Variants in MZT2B observed in about 807,000 individuals in gnomAD.
MZT2B encodes mitotic spindle organizing protein 2B.
A neutral mutation model predicts 12.1 loss-of-function variants in MZT2B; 11 were observed. That is an observed-to-expected ratio of 0.91 (90% CI 0.57 to 1.50). MZT2B has a LOEUF of 1.50. MZT2B is among the 40% of genes most tolerant of loss of function. The pLI is 0.00. For missense variants in MZT2B, 209 were observed against 227.7 expected (o/e 0.92, Z 0.53); for synonymous variants, 85 against 109.5 (o/e 0.78, Z 1.40).
downstream of MZT2B, chr2:130,190,867 T>A: frequency 1.1e-6 from 1 of 928,536 alleles, no homozygotes; most frequent in Non-Finnish European, 1.4e-6. Context: ...TGAACCTGAT[T>A]TGGGTTCTGA....
chr2:130,194,592 T>A (rs2104751681), downstream of MZT2B: 1 of 1,223,650 alleles, frequency 8.2e-7, no homozygotes, highest in African/African-American at 1.5e-5. Context: ...ATAATAAACA[T>A]GCAATACACT....
downstream of MZT2B, among the ~76,000 whole-genome samples, chr2:130,192,618 C>T (rs1056082160): frequency 8.5e-5 from 13 of 152,198 alleles, no homozygotes; most frequent in African/African-American, 3.1e-4. Flanking sequence ...ATGAATGCTG[C>T]TACCACAGCA....
At chr2:130,203,230 T>C in the MZT2B span, among the ~76,000 whole-genome samples, 2 of 152,226 alleles carry the variant, frequency 1.3e-5, no homozygotes, top group Non-Finnish European at 2.9e-5. Flanking sequence ...AAATTGCTTC[T>C]TAAGATCATC....
At chr2:130,182,186 C>T (rs1361521680), upstream of MZT2B, 21 of 1,257,870 alleles carry the variant, frequency 1.7e-5, no homozygotes, top group Non-Finnish European at 2.0e-5. Context: ...CCAGGGCAGC[C>T]CGGGAGGCCA....
chr2:130,185,784 A>G (rs1326995142), intron 2 of MZT2B, among the ~76,000 whole-genome samples: 2 of 148,084 alleles, frequency 1.4e-5, no homozygotes, highest in Non-Finnish European at 3.0e-5. Context: ...TGTGTGAGCG[A>G]ATGGGGGCTC....
At chr2:130,202,671 G>A in the MZT2B span, among the ~76,000 whole-genome samples, 3,878 of 148,564 alleles carry the variant, frequency 0.026, 109 homozygotes, top group African/African-American at 0.058. Flanking sequence ...GCCTTTCAGC[G>A]TGCTGCCTGC....
chr2:130,182,634 G>C lies in MZT2B; in HGVS notation c.178G>C (p.Val60Leu). ...AIDPDVFKIL[V>L]DLLKLNVAPL... is the part of the protein sequence containing the mutation. ...CGCGTCTGTCCCCGCCAGGATCCTGGTGGACCTGCTGAAGCTGAACGTGGC... is the reference window on the plus strand; with the variant it reads ...CGCGTCTGTCCCCGCCAGGATCCTGCTGGACCTGCTGAAGCTGAACGTGGC... The change falls in exon 2 of 3, where the codon GTG (valine) becomes CTG (leucine). Residue 60 changes from valine (V) to leucine (L), a missense_variant. Physicochemically the swap from Val to Leu is conservative, Grantham distance 32 (BLOSUM62 1). Transcript: ENST00000281871. The C allele has an allele frequency of 6.5e-7, 1 of 1,533,918 alleles. No individual in the cohort carries two copies. Among genetic ancestry groups the C allele is most frequent in the Non-Finnish European group, 8.8e-7 (1 of 1,141,160 alleles).
upstream of MZT2B, chr2:130,181,748 T>C (rs1247036543): frequency 1.3e-6 from 2 of 1,547,348 alleles, no homozygotes; most frequent in South Asian, 1.2e-5. Flanking sequence ...GGGGAGGGAG[T>C]GGTCCTTAGC....
the MZT2B span, among the ~76,000 whole-genome samples, chr2:130,195,873 G>A: frequency 6.6e-6 from 1 of 152,264 alleles, no homozygotes; most frequent in Non-Finnish European, 1.5e-5. Flanking sequence ...AGGGCCACCT[G>A]AGCAGGGCTG....
downstream of MZT2B, among the ~76,000 whole-genome samples, chr2:130,193,181 G>A (rs1248627770): frequency 6.6e-6 from 1 of 151,962 alleles, no homozygotes; most frequent in Non-Finnish European, 1.5e-5. Context: ...CTAGAGTCTG[G>A]GAGGCAGAGG....
downstream of MZT2B, chr2:130,192,031 C>A: frequency 1.9e-6 from 3 of 1,614,128 alleles, no homozygotes; most frequent in Non-Finnish European, 2.5e-6. Context: ...CAGGCCTCCG[C>A]AATGGCCGTG....
At chr2:130,195,425 C>G (rs555284685), downstream of MZT2B, among the ~76,000 whole-genome samples, 1 of 152,232 alleles carries the variant, frequency 6.6e-6, no homozygotes, top group Non-Finnish European at 1.5e-5. Flanking sequence ...TATGACTCTA[C>G]GACGTTAAAC....
At chr2:130,189,443 CTCAG>C (rs1690179185) in intron 2 of MZT2B, among the ~76,000 whole-genome samples, 1 of 152,164 alleles carries the variant, frequency 6.6e-6, no homozygotes, top group Non-Finnish European at 1.5e-5. Flanking sequence ...AAGGCACTTC[CTCAG>C]TCAGGACAAA....
the MZT2B span, chr2:130,196,306 C>T: frequency 2.5e-6 from 4 of 1,614,128 alleles, no homozygotes; most frequent in African/African-American, 2.7e-5. Flanking sequence ...CAAGGCAGTA[C>T]AGTTCCCAGC....
At chr2:130,186,966 C>T (rs1432587664) in intron 2 of MZT2B, among the ~76,000 whole-genome samples, 1 of 122,420 alleles carries the variant, frequency 8.2e-6, no homozygotes, top group Non-Finnish European at 1.8e-5. Flanking sequence ...CCTGTAATCC[C>T]AGCACTTTGG....
rs1040619090 is a variant in MZT2B at position 130,183,128 on chromosome 2, C to T, written c.319+353C>T. On this transcript the variant is annotated intron_variant, in intron 2 of 2. Transcript: ENST00000281871. ...CTCACGCCTATAATCTTTGGGACCCCAGGGCGGGAGGATCGTTTGAGGCCA... is the reference window on the plus strand; with the variant it reads ...CTCACGCCTATAATCTTTGGGACCCTAGGGCGGGAGGATCGTTTGAGGCCA... The T allele has an allele frequency of 2.4e-4, 102 of 417,628 alleles. 1 individual carries two copies. Among genetic ancestry groups the T allele is most frequent in the Non-Finnish European group, 4.0e-4 (93 of 231,342 alleles). 25.9% of individuals were successfully genotyped at this position (417,628 alleles called of 1,614,324 possible).
chr2:130,201,604 C>T, the MZT2B span, among the ~76,000 whole-genome samples: 2 of 152,196 alleles, frequency 1.3e-5, no homozygotes, highest in African/African-American at 4.8e-5. Context: ...GGACACCATT[C>T]AGTCCATAGC....
chr2:130,203,757 A>G, the MZT2B span, among the ~76,000 whole-genome samples: 1 of 152,196 alleles, frequency 6.6e-6, no homozygotes, highest in Admixed American at 6.5e-5. Context: ...TTAAATCTTC[A>G]GCACTTTGCC....
At chr2:130,193,533 C>T (rs1268869128), downstream of MZT2B, among the ~76,000 whole-genome samples, 6 of 149,204 alleles carry the variant, frequency 4.0e-5, no homozygotes, top group Admixed American at 2.7e-4. Context: ...TGCTTGAACC[C>T]GGGAGGCAGA....
Sources: gnomAD v4.1 joint callset for allele counts (sites outside exome capture counted in the v4.1 genomes callset) on GRCh38, gnomAD v4.1.1 for gene constraint, MANE v1.5 for transcripts, NCBI Gene and HGNC (gene_info 2026-07-23, HGNC 2026-07-21) for gene names.